Variants in BCAR3 observed in about 807,000 individuals in gnomAD.
BCAR3 encodes the protein BCAR3 adaptor protein, NSP family member.
BCAR3 carries 37 observed loss-of-function variants against 80.1 expected under a neutral mutation model. The ratio of observed to expected loss-of-function variants is 0.46; its 90% CI spans 0.36 to 0.61. BCAR3 has a LOEUF of 0.61. Among genes scored for constraint, BCAR3 ranks in the 20% least tolerant of loss-of-function variants. BCAR3 has a pLI of 0.00. For synonymous variants in BCAR3, 389 were observed against 418.9 expected (o/e 0.93, Z 0.87); for missense variants, 978 against 1,068.2 (o/e 0.92, Z 1.18).
chr1:93,801,989 G>T lies in BCAR3; in HGVS notation c.-63+43578C>A, dbSNP rs374721147. Among the ~76,000 whole-genome samples, 9 of 152,164 alleles carry T rather than the reference G, an allele frequency of 5.9e-5. No homozygotes were observed. In the East Asian group the frequency reaches 1.7e-3, roughly 29 times the overall value. On this transcript the variant is annotated intron_variant, in intron 2 of 13. Transcript: ENST00000370244. ...AAAAATTAGCTGGGTGTGGCAGCAC[G>T]TGCCTGTAATCCCAGCTCCTCAGGA...
At chr1:93,715,923 A>G (rs1650174453) in intron 2 of BCAR3, among the ~76,000 whole-genome samples, 1 of 152,172 alleles carries the variant, frequency 6.6e-6, no homozygotes, top group African/African-American at 2.4e-5. Flanking sequence ...CCAGCTTGCA[A>G]TTATTTGTGG....
intron 3 of BCAR3, among the ~76,000 whole-genome samples, chr1:93,608,128 C>T (rs1674834555): frequency 1.3e-5 from 2 of 152,212 alleles, no homozygotes; most frequent in African/African-American, 2.4e-5. Context: ...AGAGTAGACA[C>T]TGGGGAGAGT....
chr1:93,594,552 C>T (rs1021117142), intron 3 of BCAR3: 6 of 152,272 alleles, frequency 3.9e-5, no homozygotes, highest in African/African-American at 1.4e-4. Context: ...GACCGCCAGC[C>T]TCCAGGTCTT....
At chr1:93,699,476 A>G (rs1649559231) in intron 3 of BCAR3, among the ~76,000 whole-genome samples, 1 of 151,828 alleles carries the variant, frequency 6.6e-6, no homozygotes. Flanking sequence ...TAGGGGTGAA[A>G]TCACCTCATT....
chr1:93,684,272 G>A (rs1648899022), upstream of BCAR3, among the ~76,000 whole-genome samples: 1 of 152,292 alleles, frequency 6.6e-6, no homozygotes, highest in Non-Finnish European at 1.5e-5. Flanking sequence ...GATTTTCAAA[G>A]TTCCCTGAGT....
intron 2 of BCAR3, among the ~76,000 whole-genome samples, chr1:93,767,822 A>G (rs1308794467): frequency 6.6e-6 from 1 of 150,538 alleles, no homozygotes; most frequent in Non-Finnish European, 1.5e-5. Flanking sequence ...CAAACAGAAA[A>G]TGGGTTAAGT....
At chr1:93,802,874 G>A (rs2143997) in intron 2 of BCAR3, among the ~76,000 whole-genome samples, 21,508 of 151,930 alleles carry the variant, frequency 0.14, 2,483 homozygotes, top group African/African-American at 0.31. Flanking sequence ...TTTTTGAGCC[G>A]GCTCCTTCCA....
intron 2 of BCAR3, among the ~76,000 whole-genome samples, chr1:93,833,249 T>C (rs1418009172): frequency 6.6e-6 from 1 of 152,082 alleles, no homozygotes; most frequent in Non-Finnish European, 1.5e-5. Context: ...GTAGGAATAG[T>C]GTGGGTCACA....
chr1:93,584,435 G>A (rs1005867957), intron 5 of BCAR3, among the ~76,000 whole-genome samples: 9 of 152,158 alleles, frequency 5.9e-5, no homozygotes, highest in Admixed American at 3.9e-4. Flanking sequence ...CGATACTCCC[G>A]GGAAAATCTG....
At chr1:93,770,873 A>G (rs1652336313) in intron 2 of BCAR3, among the ~76,000 whole-genome samples, 1 of 152,030 alleles carries the variant, frequency 6.6e-6, no homozygotes, top group Non-Finnish European at 1.5e-5. Context: ...CTCCCACCCC[A>G]TTTATTTCAT....
chr1:93,843,702 G>A (rs557244578), intron 2 of BCAR3, among the ~76,000 whole-genome samples: 7 of 152,054 alleles, frequency 4.6e-5, no homozygotes, highest in South Asian at 4.1e-4. Context: ...AATTTTTACC[G>A]GTAGGAATGC....
At chr1:93,585,321 C>A (rs1469758372) in intron 5 of BCAR3, among the ~76,000 whole-genome samples, 2 of 152,232 alleles carry the variant, frequency 1.3e-5, no homozygotes, top group Non-Finnish European at 2.9e-5. Context: ...ATCTTTTCCC[C>A]TCCTCCCACT....
intron 3 of BCAR3, among the ~76,000 whole-genome samples, chr1:93,635,926 G>A (rs1483813448): frequency 2.6e-5 from 4 of 152,204 alleles, no homozygotes; most frequent in African/African-American, 9.7e-5. Context: ...TTGTGACCAT[G>A]GCTGCAGCCA....
At chr1:93,609,717 G>A (rs1164086672) in intron 3 of BCAR3, among the ~76,000 whole-genome samples, 2 of 152,174 alleles carry the variant, frequency 1.3e-5, no homozygotes, top group Admixed American at 1.3e-4. Context: ...CCTGCCAGCG[G>A]CCACTCCCTG....
chr1:93,701,570 G>A (rs1292037846), intron 3 of BCAR3, among the ~76,000 whole-genome samples: 1 of 152,236 alleles, frequency 6.6e-6, no homozygotes, highest in African/African-American at 2.4e-5. Flanking sequence ...GAAACAAAAT[G>A]AAGCCACTGG....
chr1:93,634,622 G>C (rs1675721144), intron 3 of BCAR3, among the ~76,000 whole-genome samples: 1 of 151,990 alleles, frequency 6.6e-6, no homozygotes, highest in Non-Finnish European at 1.5e-5. Context: ...TTGAACCGAG[G>C]AAGTGGAGGT....
chr1:93,619,108 T>A lies in BCAR3; in HGVS notation c.357+23196A>T, dbSNP rs1457330899. On this transcript the variant is annotated intron_variant, in intron 3 of 11. Coordinates refer to ENST00000260502, the MANE Select transcript of BCAR3 (RefSeq NM_003567.4). ...CACATGCCACCACGCCAATTTTTTT[T>A]TTTTTTTTTTTTGTATTTTAGTAGA... 4.0e-5 allele frequency among the ~76,000 whole-genome samples: 6 copies of A among 150,394 alleles called. 1 individual carries two copies. In the South Asian group the frequency reaches 1.0e-3, roughly 26 times the overall value.
chr1:93,831,212 C>T (rs1453333654), intron 2 of BCAR3, among the ~76,000 whole-genome samples: 1 of 152,150 alleles, frequency 6.6e-6, no homozygotes, highest in Non-Finnish European at 1.5e-5. Flanking sequence ...TGCAGGGACA[C>T]CTGCTTTGGC....
chr1:93,698,590 C>G (rs922910956), intron 3 of BCAR3, among the ~76,000 whole-genome samples: 1 of 152,172 alleles, frequency 6.6e-6, no homozygotes, highest in Non-Finnish European at 1.5e-5. Context: ...GGAGAGAAGG[C>G]AATATACTCA....
Sources: gnomAD v4.1 joint callset for allele counts (sites outside exome capture counted in the v4.1 genomes callset) on GRCh38, gnomAD v4.1.1 for gene constraint, MANE v1.5 for transcripts, NCBI Gene and HGNC (gene_info 2026-07-23, HGNC 2026-07-21) for gene names.